CSMD1: variants seen among roughly 807,000 people sequenced by gnomAD.
CSMD1 encodes CUB and sushi domain-containing protein 1.
A neutral mutation model predicts 417.5 loss-of-function variants in CSMD1; 213 were observed. The ratio of observed to expected loss-of-function variants is 0.51; its 90% CI spans 0.46 to 0.57. The LOEUF (loss-of-function observed/expected upper bound fraction) is 0.57, where lower values mean the gene tolerates loss of function less well. Among genes scored for constraint, CSMD1 ranks in the 20% least tolerant of loss-of-function variants. CSMD1 has a pLI of 0.00. For missense variants in CSMD1, 6,923 were observed against 4,529.7 expected (o/e 1.53, Z -15.17); for synonymous variants, 2,862 against 1,736.8 (o/e 1.65, Z -16.11).
intron 3 of CSMD1, among the ~76,000 whole-genome samples, chr8:4,413,232 G>T (rs971556381): frequency 6.6e-6 from 1 of 152,174 alleles, no homozygotes; most frequent in Non-Finnish European, 1.5e-5. Context: ...CCATCAGGGT[G>T]CAACTGTGAG....
chr8:3,818,224 C>A lies in CSMD1; in HGVS notation c.819-64182G>T, dbSNP rs577628862. On this transcript the variant is annotated intron_variant, in intron 5 of 69. Coordinates refer to ENST00000635120, the MANE Select transcript of CSMD1 (RefSeq NM_033225.6). ...TCCTCCATGAAAACGCAGAGCCCAC[C>A]CCAAGATGCAGCCCCTGGGTCCGTG... is the stretch of plus-strand genomic sequence containing the variant. Among the ~76,000 whole-genome samples, 55 of 152,118 alleles carry A rather than the reference C, an allele frequency of 3.6e-4. 1 individual carries two copies. In the South Asian group the frequency reaches 0.011, roughly 30 times the overall value.
chr8:4,991,996 C>A (rs904084764), intron 1 of CSMD1, among the ~76,000 whole-genome samples: 5 of 152,216 alleles, frequency 3.3e-5, no homozygotes, highest in Admixed American at 1.3e-4. Context: ...CGCGCACACA[C>A]TTGCGCACAG....
chr8:4,304,919 G>T (rs921207351), intron 3 of CSMD1, among the ~76,000 whole-genome samples: 9 of 152,092 alleles, frequency 5.9e-5, no homozygotes, highest in Non-Finnish European at 1.0e-4. Flanking sequence ...GTAACGATGA[G>T]ATGATGAACA....
chr8:3,871,926 T>G (rs976838089), intron 5 of CSMD1, among the ~76,000 whole-genome samples: 1 of 152,180 alleles, frequency 6.6e-6, no homozygotes, highest in African/African-American at 2.4e-5. Flanking sequence ...GTAGCCCTAA[T>G]CTTCTGAAAA....
At position 4,228,653 on chromosome 8, in the gene CSMD1, G is replaced by C. The variant is rs141511236; in HGVS notation, c.415+191300C>G. On this transcript the variant is annotated intron_variant, in intron 3 of 69. Coordinates refer to ENST00000635120, the MANE Select transcript of CSMD1 (RefSeq NM_033225.6). ...CTTTTTCCAGTCTCACCCATTTGCA[G>C]ATGACTATCGATTGTTTTATTTTAT... Among the ~76,000 whole-genome samples the C allele has an allele frequency of 1.4e-3, 206 of 148,122 alleles. 2 individuals are homozygous for C. Among genetic ancestry groups the C allele is most frequent in the African/African-American group, 4.8e-3 (193 of 40,280 alleles).
At chr8:3,914,506 A>G (rs1808680554) in intron 5 of CSMD1, among the ~76,000 whole-genome samples, 1 of 152,220 alleles carries the variant, frequency 6.6e-6, no homozygotes, top group Non-Finnish European at 1.5e-5. Context: ...CAATCTGTGT[A>G]AAGTTTAATT....
intron 2 of CSMD1, among the ~76,000 whole-genome samples, chr8:4,594,807 G>T (rs73500602): frequency 0.03 from 4,516 of 152,098 alleles, 108 homozygotes; most frequent in African/African-American, 0.067. Context: ...TATTTCTGAT[G>T]TTACCCCCAC....
chr8:3,849,930 T>G (rs1019210411), intron 5 of CSMD1, among the ~76,000 whole-genome samples: 5 of 151,966 alleles, frequency 3.3e-5, no homozygotes, highest in Non-Finnish European at 7.4e-5. Context: ...TTCTCCAGCC[T>G]CAGCCTCCCA....
At chr8:3,931,772 C>G (rs1810162975) in intron 5 of CSMD1, among the ~76,000 whole-genome samples, 1 of 148,410 alleles carries the variant, frequency 6.7e-6, no homozygotes, top group Non-Finnish European at 1.5e-5. Flanking sequence ...GCAAGGAGCA[C>G]CTAAGACCCC....
At chr8:4,722,405 C>A (rs1395488560) in intron 1 of CSMD1, among the ~76,000 whole-genome samples, 1 of 152,128 alleles carries the variant, frequency 6.6e-6, no homozygotes, top group Non-Finnish European at 1.5e-5. Context: ...TGCTGTGTAT[C>A]TCTTGACCGA....
At chr8:4,010,251 G>A (rs901850467) in intron 4 of CSMD1, among the ~76,000 whole-genome samples, 1 of 152,002 alleles carries the variant, frequency 6.6e-6, no homozygotes, top group African/African-American at 2.4e-5. Flanking sequence ...GTGACTCATG[G>A]TCTTCCCTCC....
intron 5 of CSMD1, among the ~76,000 whole-genome samples, chr8:3,852,610 A>C (rs534876732): frequency 3.3e-5 from 5 of 152,298 alleles, no homozygotes; most frequent in African/African-American, 1.2e-4. Context: ...CAGCATTCAC[A>C]AAAGCAGAAT....
chr8:4,866,241 GA>G (rs1382650276), intron 1 of CSMD1, among the ~76,000 whole-genome samples: 1 of 151,850 alleles, frequency 6.6e-6, no homozygotes, highest in Non-Finnish European at 1.5e-5. Flanking sequence ...AGGCTCTCTT[GA>G]AATTCACATT....
intron 59 of CSMD1, among the ~76,000 whole-genome samples, chr8:2,964,443 A>G (rs1803776750): frequency 6.6e-6 from 1 of 152,202 alleles, no homozygotes; most frequent in African/African-American, 2.4e-5. Flanking sequence ...CCTGAGCTAC[A>G]TGGGTCCCCT....
intron 1 of CSMD1, among the ~76,000 whole-genome samples, chr8:4,646,376 G>C (rs1369239528): frequency 1.3e-5 from 2 of 152,152 alleles, no homozygotes; most frequent in African/African-American, 4.8e-5. Context: ...TATTACTCTT[G>C]CTTTAATACG....
At chr8:4,938,836 A>C (rs1289476018) in intron 1 of CSMD1, among the ~76,000 whole-genome samples, 1 of 152,194 alleles carries the variant, frequency 6.6e-6, no homozygotes, top group Non-Finnish European at 1.5e-5. Flanking sequence ...AACATTATTG[A>C]AACAGGTGTA....
intron 3 of CSMD1, among the ~76,000 whole-genome samples, chr8:4,328,538 A>G (rs879561628): frequency 2.0e-5 from 3 of 152,140 alleles, no homozygotes; most frequent in African/African-American, 4.8e-5. Flanking sequence ...CCTGTACTCT[A>G]TAAATATACA....
chr8:3,844,583 A>G lies in CSMD1; in HGVS notation c.819-90541T>C, dbSNP rs563119065. 1.1e-4 allele frequency among the ~76,000 whole-genome samples: 16 copies of G among 152,280 alleles called. No homozygotes were observed. In the South Asian group the frequency reaches 1.7e-3, roughly 16 times the overall value. On this transcript the variant is annotated intron_variant, in intron 5 of 69. Coordinates refer to ENST00000635120, the MANE Select transcript of CSMD1 (RefSeq NM_033225.6). ...TTAGGAAAGTAATAACTAGAGGCCAATGTCATTTGAAAAGGCAAGGGGGTG... is the reference window on the plus strand; with the variant it reads ...TTAGGAAAGTAATAACTAGAGGCCAGTGTCATTTGAAAAGGCAAGGGGGTG...
intron 3 of CSMD1, among the ~76,000 whole-genome samples, chr8:4,118,352 T>A (rs910355567): frequency 1.3e-5 from 2 of 150,928 alleles, no homozygotes; most frequent in Non-Finnish European, 2.9e-5. Context: ...AATCTACCCA[T>A]CTGACAAATG....
Sources: allele counts gnomAD v4.1 joint callset (sites outside exome capture counted in the v4.1 genomes callset), GRCh38; gene constraint gnomAD v4.1.1; transcripts MANE v1.5; gene names NCBI Gene and HGNC (gene_info 2026-07-23, HGNC 2026-07-21).